EBF4: variants seen among roughly 807,000 people sequenced by gnomAD.
EBF4 encodes the protein EBF transcription factor 4.
In EBF4, 34 loss-of-function variants were observed where a neutral mutation model predicts 67.1. The observed-to-expected ratio is 0.51, with a 90% CI of 0.39 to 0.67. EBF4 has a LOEUF of 0.67. Among genes scored for constraint, EBF4 ranks in the 30% least tolerant of loss-of-function variants. EBF4 has a pLI of 0.00. For missense variants in EBF4, 837 were observed against 873.3 expected (o/e 0.96, Z 0.52); for synonymous variants, 387 against 377.7 (o/e 1.02, Z -0.29).
rs902992205 is a variant in EBF4, at chr20:2,751,206, A to T, written c.1019-494A>T. 2.0e-5 allele frequency among the ~76,000 whole-genome samples: 3 copies of T among 152,082 alleles called. No individual in the cohort carries two copies. The highest frequency in any genetic ancestry group is 7.2e-5 in the African/African-American group (3 of 41,424). The stretch of plus-strand genomic sequence containing the variant: ...CCTCCCGCCCCAGCCCAAGCCACCC[A>T]CTTCTCCAGTTGCTTCCCTGGGGTG... On this transcript the variant is annotated intron_variant, in intron 10 of 16. Transcript: ENST00000609451. This position sits in a 1 kb window ranked among gnomAD's most constrained non-coding sequence, Gnocchi z 5.2.
intron 6 of EBF4, among the ~76,000 whole-genome samples, chr20:2,723,134 T>C (rs2087703993): frequency 6.6e-6 from 1 of 152,192 alleles, no homozygotes; most frequent in African/African-American, 2.4e-5. Context: ...TTTTAAAAAC[T>C]TTATAACTTC....
intron 6 of EBF4, among the ~76,000 whole-genome samples, chr20:2,730,738 T>C (rs2087802805): frequency 6.6e-6 from 1 of 152,230 alleles, no homozygotes. Flanking sequence ...GTCCACCCTC[T>C]GCAAAAACAG....
intron 14 of EBF4, among the ~76,000 whole-genome samples, chr20:2,754,078 A>C (rs1042157221): frequency 6.6e-6 from 1 of 152,104 alleles, no homozygotes; most frequent in Non-Finnish European, 1.5e-5. Context: ...CTGATTCAGC[A>C]AGAAGATCAA....
chr20:2,730,150 A>C (rs1241696400), intron 6 of EBF4, among the ~76,000 whole-genome samples: 1 of 152,164 alleles, frequency 6.6e-6, no homozygotes, highest in Non-Finnish European at 1.5e-5. Flanking sequence ...AGGCTGTCCT[A>C]ACAAATTACT....
Position 2,696,651 on chromosome 20 carries a change from G to A in EBF4, c.137+2869G>A, listed in dbSNP as rs116656420. On this transcript the variant is annotated intron_variant, in intron 1 of 16. Transcript: ENST00000609451. The surrounding 1 kb of genome is among the most constrained non-coding windows in gnomAD (Gnocchi z 4.7). ...AGTGGATACTTGGAGAATTAGCTGC[G>A]CCTCCAGTAAGTGCTATGGTCTATT... Among the ~76,000 whole-genome samples the A allele has an allele frequency of 2.6e-3, 393 of 152,038 alleles. 2 individuals carry two copies. Among genetic ancestry groups the A allele is most frequent in the African/African-American group, 8.8e-3 (365 of 41,470 alleles).
chr20:2,748,600 G>A, exon 7 of EBF4: 3 of 1,551,578 alleles, frequency 1.9e-6, no homozygotes, highest in Non-Finnish European at 2.6e-6. Flanking sequence ...TGAAGAATGC[G>A]GGGAATCCCA....
chr20:2,726,407 C>A (rs1215947082), intron 6 of EBF4, among the ~76,000 whole-genome samples: 1 of 151,954 alleles, frequency 6.6e-6, no homozygotes, highest in Non-Finnish European at 1.5e-5. Context: ...ATGGTGAGAC[C>A]ATGTCTCTAC....
intron 6 of EBF4, among the ~76,000 whole-genome samples, chr20:2,734,907 G>A (rs1056180149): frequency 2.6e-5 from 4 of 152,212 alleles, no homozygotes; most frequent in African/African-American, 9.6e-5. Flanking sequence ...TGAGAGACCA[G>A]GGGCTTTCCA....
chr20:2,759,014 C>A, intron 16 of EBF4, 30 bp downstream of exon 16: 1 of 1,539,816 alleles, frequency 6.5e-7, no homozygotes, highest in Non-Finnish European at 8.8e-7. Context: ...TGGCCTCCCC[C>A]GCCCCACCTG....
rs1048539854 is a variant in EBF4, at chr20:2,756,174, C to T, written c.1738+350C>T. Among the ~76,000 whole-genome samples, 9 of 152,242 alleles carry T rather than the reference C, an allele frequency of 5.9e-5. No homozygotes were observed. The highest frequency in any genetic ancestry group is 1.7e-4 in the African/African-American group (7 of 41,470). On this transcript the variant is annotated intron_variant, in intron 15 of 16. Transcript: ENST00000609451. The surrounding 1 kb of genome is among the most constrained non-coding windows in gnomAD (Gnocchi z 4.5). ...AGACCCTCAGAGCTGGTGGGCTGCA[C>T]GCCTGTACCTGTGCCTCCCTGTGTC...
rs2088073792 is a variant in EBF4 at position 2,747,812 on chromosome 20, G to A, written c.558-737G>A. ...TCTGTGCATATACTGTGTAGGGTGG[G>A]CATACACCGTGCATGATGGGTACAG... On this transcript the variant is annotated intron_variant, in intron 6 of 16. Transcript: ENST00000609451. The surrounding 1 kb of genome is among the most constrained non-coding windows in gnomAD (Gnocchi z 4.6). 6.6e-6 allele frequency among the ~76,000 whole-genome samples: 1 copy of A among 152,154 alleles called. No individual in the cohort carries two copies. Among genetic ancestry groups the A allele is most frequent in the East Asian group, 1.9e-4 (1 of 5,200 alleles).
chr20:2,715,347 T>A (rs919619781), intron 6 of EBF4, among the ~76,000 whole-genome samples: 3 of 152,244 alleles, frequency 2.0e-5, no homozygotes, highest in African/African-American at 7.2e-5. Flanking sequence ...TATCTTGTTG[T>A]ATTTAGCTGT....
At chr20:2,693,549 G>A (rs2087241834), upstream of EBF4, 1 of 1,274,574 alleles carries the variant, frequency 7.8e-7, no homozygotes, top group South Asian at 2.4e-5. This position sits in a 1 kb window ranked among gnomAD's most constrained non-coding sequence, Gnocchi z 4.6. Flanking sequence ...CGCTGCTGGA[G>A]GCGCCTGGTG....
rs151303699 is a variant in EBF4, at chr20:2,717,235, A to G, written c.557+7593A>G. On this transcript the variant is annotated intron_variant, in intron 6 of 16. Coordinates refer to ENST00000609451, the Ensembl canonical transcript of EBF4. ...ATTGAGCATCTACTATGTACCAGGC[A>G]CTAGGTAAACAGTACACTTACCAGG... 5.5e-4 allele frequency among the ~76,000 whole-genome samples: 84 copies of G among 152,348 alleles called. 1 individual carries two copies. The highest frequency in any genetic ancestry group is 1.9e-3 in the African/African-American group (78 of 41,582).
At chr20:2,709,737 G>A (rs13042775) in intron 6 of EBF4, 95 bp downstream of exon 6, 183,450 of 1,262,466 alleles carry the variant, frequency 0.15, 14,350 homozygotes, top group South Asian at 0.25. Context: ...AGGGAGGAGC[G>A]GAGCAGCCCC....
At chr20:2,697,887 C>G (rs575792469) in intron 1 of EBF4, among the ~76,000 whole-genome samples, 3 of 152,256 alleles carry the variant, frequency 2.0e-5, no homozygotes, top group African/African-American at 4.8e-5. Context: ...CAGACCTCCC[C>G]CTGGAGCTGA....
chr20:2,698,572 A>G (rs993733728), intron 1 of EBF4, among the ~76,000 whole-genome samples: 21 of 151,868 alleles, frequency 1.4e-4, no homozygotes, highest in African/African-American at 4.8e-4. Flanking sequence ...GGAAGGGGGG[A>G]TGTAGAGGAA....
intron 1 of EBF4, among the ~76,000 whole-genome samples, chr20:2,694,737 C>A (rs753724980): frequency 1.3e-5 from 2 of 152,106 alleles, no homozygotes; most frequent in Admixed American, 1.3e-4. Flanking sequence ...GCAGACCGGG[C>A]CTGACACAGG....
At chr20:2,710,159 T>TTG (rs1317060924) in intron 6 of EBF4, among the ~76,000 whole-genome samples, 2 of 152,150 alleles carry the variant, frequency 1.3e-5, no homozygotes, top group Admixed American at 6.5e-5. Flanking sequence ...TTTCTTTATT[T>TTG]TGTGTGTGTG....
Sources: gnomAD v4.1 joint callset for allele counts (sites outside exome capture counted in the v4.1 genomes callset) on GRCh38, gnomAD v4.1.1 for gene constraint, Gnocchi (gnomAD v3.1) non-coding constraint, MANE v1.5 for transcripts, NCBI Gene and HGNC (gene_info 2026-07-23, HGNC 2026-07-21) for gene names.